Variants in ABI3BP observed in about 807,000 individuals in gnomAD.
The protein encoded by ABI3BP is target of Nesh-SH3.
In ABI3BP, 216 loss-of-function variants were observed where a neutral mutation model predicts 268.6. The ratio of observed to expected loss-of-function variants is 0.80; its 90% CI spans 0.72 to 0.90. The LOEUF is 0.90. Ranked by LOEUF, ABI3BP falls within the 40% of genes least tolerant of loss-of-function variation. The probability of loss-of-function intolerance (pLI) is 0.00; values close to 1 mark genes in which losing one functional copy is unlikely to be tolerated. For missense variants in ABI3BP, 2,090 were observed against 2,182.4 expected, an observed-to-expected ratio of 0.96 and a Z score of 0.84; for synonymous variants, 730 against 730.0, an observed-to-expected ratio of 1.00 and a Z score of 0.00.
intron 34 of ABI3BP, among the ~76,000 whole-genome samples, chr3:100,826,578 A>C (rs188646092): frequency 2.0e-5 from 3 of 152,350 alleles, no homozygotes; most frequent in Admixed American, 2.0e-4. Flanking sequence ...AGTGATGCTG[A>C]ATAAAGAAAA....
At chr3:100,824,235 T>C (rs1176783429) in intron 36 of ABI3BP, among the ~76,000 whole-genome samples, 1 of 152,190 alleles carries the variant, frequency 6.6e-6, no homozygotes, top group African/African-American at 2.4e-5. Flanking sequence ...TATATGACCA[T>C]CTAGAAGGAG....
intron 1 of ABI3BP, among the ~76,000 whole-genome samples, chr3:100,931,680 C>T (rs190678706): frequency 3.9e-4 from 60 of 151,910 alleles, no homozygotes; most frequent in African/African-American, 7.5e-4. Flanking sequence ...ACAAGAATTA[C>T]GAAACACTGC....
intron 41 of ABI3BP, 52 bp from the exon 42 acceptor site, chr3:100,817,547 T>C (rs2098094008): frequency 6.1e-6 from 8 of 1,308,348 alleles, no homozygotes; most frequent in Non-Finnish European, 8.2e-6. Context: ...AATATTAATT[T>C]CACAGTTCAA....
chr3:100,983,614 C>T (rs1240977755), intron 1 of ABI3BP, among the ~76,000 whole-genome samples: 1 of 152,170 alleles, frequency 6.6e-6, no homozygotes, highest in Non-Finnish European at 1.5e-5. Context: ...AACACACCAA[C>T]AGTTTCATAT....
At chr3:100,953,134 G>A (rs942239559) in intron 1 of ABI3BP, among the ~76,000 whole-genome samples, 2 of 152,098 alleles carry the variant, frequency 1.3e-5, no homozygotes, top group Non-Finnish European at 2.9e-5. Context: ...CAAACACTAG[G>A]CAATTTTGTC....
intron 29 of ABI3BP, among the ~76,000 whole-genome samples, chr3:100,833,745 G>A (rs1174574873): frequency 1.3e-5 from 2 of 152,168 alleles, no homozygotes. Context: ...GGTTAGGAGA[G>A]CGTGCTGGAG....
chr3:100,958,966 A>G (rs1262689156), intron 1 of ABI3BP, among the ~76,000 whole-genome samples: 1 of 152,190 alleles, frequency 6.6e-6, no homozygotes, highest in Non-Finnish European at 1.5e-5. Flanking sequence ...AAAACCACCC[A>G]GATCCTTTTA....
At chr3:100,804,727 T>C in intron 51 of ABI3BP, 65 bp downstream of exon 51, 3 of 1,396,652 alleles carry the variant, frequency 2.1e-6, no homozygotes, top group Non-Finnish European at 3.0e-6. Flanking sequence ...CCAAGTCTCA[T>C]GTTTCACTGA....
intron 39 of ABI3BP, 146 bp from the exon 40 acceptor site, chr3:100,820,449 T>G: frequency 1.6e-6 from 1 of 636,910 alleles, no homozygotes; most frequent in Non-Finnish European, 2.6e-6. Context: ...ATTAGAAACA[T>G]TCACTATTAC....
rs916675167 is a variant in ABI3BP at position 100,810,452 on chromosome 3, A to T, written c.3567T>A (p.Ser1189=). 2.6e-6 allele frequency: 4 copies of T among 1,535,044 alleles called. No individual in the cohort carries two copies. The South Asian group carries it at 4.8e-5, about 18-fold the overall frequency. Residue 1189 remains serine (S), a synonymous_variant, in exon 49 of 68, where the codon TCT becomes TCA. Transcript: ENST00000471714. ...TLETSPLPSQ[S]ITLPSPDEPQ... is the part of the protein sequence containing the mutation. ...GCTCATCTGGGCTGGGTAGGGTTAT[A>T]GATTGAGAAGGCAGAGGCGACGTTT...
At chr3:100,763,438 G>A (rs990040638) in intron 63 of ABI3BP, among the ~76,000 whole-genome samples, 1 of 151,290 alleles carries the variant, frequency 6.6e-6, no homozygotes, top group African/African-American at 2.4e-5. Flanking sequence ...GCTCCAGCCT[G>A]GGTGACAAGA....
intron 29 of ABI3BP, among the ~76,000 whole-genome samples, chr3:100,834,208 G>A (rs931144956): frequency 1.3e-5 from 2 of 152,126 alleles, no homozygotes; most frequent in Non-Finnish European, 2.9e-5. Flanking sequence ...GCCCACAGAT[G>A]TTTTGCTTCT....
chr3:100,806,657 T>C (rs773107724), intron 50 of ABI3BP, among the ~76,000 whole-genome samples: 1 of 152,104 alleles, frequency 6.6e-6, no homozygotes, highest in Non-Finnish European at 1.5e-5. Flanking sequence ...GGTTTGCAGC[T>C]ACTTTCCGCA....
intron 14 of ABI3BP, among the ~76,000 whole-genome samples, chr3:100,858,220 G>T (rs1360286936): frequency 1.3e-5 from 2 of 152,162 alleles, no homozygotes; most frequent in Admixed American, 6.5e-5. Context: ...ATATTTTAAG[G>T]AAAGTTAGAT....
rs1462396762 is a variant in ABI3BP, at chr3:100,780,159, C to T, written c.4213G>A (p.Asp1405Asn). The change falls in exon 58 of 68, where the codon GAC becomes AAC. Residue 1405 changes from aspartate (D) to asparagine (N), a missense_variant. By Grantham distance (23) the Asp-to-Asn change is conservative. Coordinates refer to ENST00000471714, the MANE Select transcript of ABI3BP (RefSeq NM_001375547.2). ...PSGADRNVSV[D>N]STHPTKKPGT... Reference sequence around the variant, plus strand: ...GGCTTTTTAGTGGGGTGGGTAGAGTCCACTGATACATTTCTATCAGCACCT... The same window carrying T: ...GGCTTTTTAGTGGGGTGGGTAGAGTTCACTGATACATTTCTATCAGCACCT... 3.7e-6 allele frequency: 6 copies of T among 1,612,898 alleles called. No individual in the cohort carries two copies. The South Asian group carries it at 5.5e-5, about 15-fold the overall frequency.
Position 100,810,480 on chromosome 3 carries a change from A to G in ABI3BP, c.3542-3T>C. On this transcript the variant is annotated splice_polypyrimidine_tract_variant and splice_region_variant and intron_variant, in intron 48 of 67. Transcript: ENST00000471714. The stretch of plus-strand genomic sequence containing the variant: ...TTGAGAAGGCAGAGGCGACGTTTCT[A>G]TGGTAATTGAAGGAAAGTACGCGGG... The G allele has an allele frequency of 6.5e-7, 1 of 1,534,556 alleles. No homozygotes were observed. The highest frequency in any genetic ancestry group is 8.7e-7 in the Non-Finnish European group (1 of 1,145,732).
chr3:100,811,134 T>C, intron 48 of ABI3BP, 96 bp downstream of exon 48: 2 of 1,012,270 alleles, frequency 2.0e-6, no homozygotes, highest in Non-Finnish European at 2.8e-6. Flanking sequence ...AGTGACGGTG[T>C]AACATGAATT....
At chr3:100,759,398 T>G (rs1348694670) in intron 63 of ABI3BP, among the ~76,000 whole-genome samples, 1 of 152,148 alleles carries the variant, frequency 6.6e-6, no homozygotes. Flanking sequence ...TGTAAAGTTA[T>G]TATGCTGATC....
intron 31 of ABI3BP, among the ~76,000 whole-genome samples, chr3:100,831,914 G>T (rs1446360669): frequency 6.6e-6 from 1 of 152,194 alleles, no homozygotes; most frequent in Non-Finnish European, 1.5e-5. Context: ...GATTGGGAAA[G>T]AAAACATTCT....
Sources: gnomAD v4.1 joint callset for allele counts (sites outside exome capture counted in the v4.1 genomes callset) on GRCh38, gnomAD v4.1.1 for gene constraint, MANE v1.5 for transcripts, NCBI Gene and HGNC (gene_info 2026-07-23, HGNC 2026-07-21) for gene names.